The following KIAA1549L variants were observed in gnomAD, a reference collection of about 807,000 sequenced individuals.
KIAA1549L encodes KIAA1549 like.
In KIAA1549L, 88 loss-of-function variants were observed where a neutral mutation model predicts 160.7. The ratio of observed to expected loss-of-function variants is 0.55; its 90% CI spans 0.46 to 0.65. The LOEUF (loss-of-function observed/expected upper bound fraction) is 0.65. Among genes scored for constraint, KIAA1549L ranks in the 30% least tolerant of loss-of-function variants. The probability of loss-of-function intolerance (pLI) is 0.00; values close to 1 mark genes in which losing one functional copy is unlikely to be tolerated. For missense variants in KIAA1549L, 2,258 were observed against 2,437.5 expected (o/e 0.93, Z 1.55); for synonymous variants, 950 against 976.7 (o/e 0.97, Z 0.51).
intron 1 of KIAA1549L, among the ~76,000 whole-genome samples, chr11:33,448,454 G>A (rs908740224): frequency 1.3e-5 from 2 of 152,138 alleles, no homozygotes. Flanking sequence ...GACATGAGAT[G>A]TGGTTTTTGG....
intron 1 of KIAA1549L, among the ~76,000 whole-genome samples, chr11:33,467,729 T>C (rs918618360): frequency 2.1e-4 from 32 of 152,198 alleles, no homozygotes; most frequent in African/African-American, 7.5e-4. Flanking sequence ...ATCTGTGAGC[T>C]GATAGAGGAT....
At chr11:33,461,363 C>T (rs1851938888) in intron 1 of KIAA1549L, among the ~76,000 whole-genome samples, 2 of 152,176 alleles carry the variant, frequency 1.3e-5, no homozygotes, top group African/African-American at 2.4e-5. Context: ...ATTTTATAAA[C>T]CGGGGACACA....
chr11:33,417,542 A>G (rs1412539769), intron 1 of KIAA1549L, among the ~76,000 whole-genome samples: 1 of 152,146 alleles, frequency 6.6e-6, no homozygotes, highest in African/African-American at 2.4e-5. Context: ...CATGTCTTTT[A>G]TTCCATCCAC....
chr11:33,451,872 T>G (rs1038876488), intron 1 of KIAA1549L, among the ~76,000 whole-genome samples: 2 of 152,212 alleles, frequency 1.3e-5, no homozygotes, highest in Non-Finnish European at 2.9e-5. Context: ...CCTCTAGAGT[T>G]CAAGACCAAT....
Position 33,668,000 on chromosome 11 carries a change from C to T in KIAA1549L, c.6287C>T (p.Pro2096Leu), listed in dbSNP as rs573342788. ...CCCAGCCTGGAGCAGGCCCCGGCGC[C>T]CTCCACAGCGGCCTCGCAGCAGAGC... ...LHPSLEQAPA[P>L]STAASQQSLA... Residue 2096 changes from proline (P) to leucine (L), a missense_variant, in exon 21 of 21, where the codon CCC becomes CTC. Transcript: ENST00000658780. The T allele has an allele frequency of 1.2e-5, 19 of 1,613,966 alleles. No individual in the cohort carries two copies. In the East Asian group the frequency reaches 3.8e-4, roughly 32 times the overall value.
chr11:33,516,372 C>T lies in KIAA1549L; in HGVS notation c.239-25430C>T, dbSNP rs1261124017. On this transcript the variant is annotated intron_variant, in intron 1 of 20. Transcript: ENST00000658780. Reference sequence around the variant, plus strand: ...TTCACCGTGTTAGCCAGGATGGTCTCGATCTCCTGACCTCGTGATCCGCCC... The same window carrying T: ...TTCACCGTGTTAGCCAGGATGGTCTTGATCTCCTGACCTCGTGATCCGCCC... Among the ~76,000 whole-genome samples the T allele has an allele frequency of 1.2e-4, 2 of 16,914 alleles. 1 individual carries two copies. Among genetic ancestry groups the T allele is most frequent in the Non-Finnish European group, 2.0e-4 (2 of 10,156 alleles). 11.1% of individuals were successfully genotyped at this position (16,914 alleles called of 152,430 possible).
chr11:33,415,595 C>T (rs1251004249), intron 1 of KIAA1549L, among the ~76,000 whole-genome samples: 2 of 152,110 alleles, frequency 1.3e-5, no homozygotes, highest in Admixed American at 6.5e-5. Flanking sequence ...TTAGGATACC[C>T]GAGTGGAACA....
intron 16 of KIAA1549L, among the ~76,000 whole-genome samples, chr11:33,622,576 C>T (rs968551975): frequency 6.6e-6 from 1 of 152,168 alleles, no homozygotes; most frequent in South Asian, 2.1e-4. Context: ...TTCCTCTGTC[C>T]GGAGTGCACA....
intron 1 of KIAA1549L, among the ~76,000 whole-genome samples, chr11:33,421,356 A>G (rs1173028754): frequency 2.0e-5 from 3 of 152,208 alleles, no homozygotes; most frequent in Non-Finnish European, 4.4e-5. Context: ...ATGGTGTCCC[A>G]TGACAGGAGC....
chr11:33,555,660 C>A (rs1413564349), intron 6 of KIAA1549L, among the ~76,000 whole-genome samples: 1 of 152,166 alleles, frequency 6.6e-6, no homozygotes, highest in South Asian at 2.1e-4. Context: ...CCAAAAGTAA[C>A]TCCAAAGGGA....
At chr11:33,421,900 G>A (rs1002683534) in intron 1 of KIAA1549L, among the ~76,000 whole-genome samples, 2 of 152,118 alleles carry the variant, frequency 1.3e-5, no homozygotes, top group East Asian at 1.9e-4. Flanking sequence ...GCTACCAAGA[G>A]TTGATTGAGT....
At chr11:33,505,700 G>A (rs978930940) in intron 1 of KIAA1549L, among the ~76,000 whole-genome samples, 4 of 152,086 alleles carry the variant, frequency 2.6e-5, no homozygotes, top group African/African-American at 9.7e-5. Flanking sequence ...TCTCTGGGAG[G>A]TTAATGTAGC....
chr11:33,483,157 G>A (rs1218756610), intron 1 of KIAA1549L, among the ~76,000 whole-genome samples: 1 of 151,904 alleles, frequency 6.6e-6, no homozygotes, highest in African/African-American at 2.4e-5. Flanking sequence ...TCAGCTTTGG[G>A]AGTTAAAGCC....
At chr11:33,501,425 A>C (rs1368575924) in intron 1 of KIAA1549L, among the ~76,000 whole-genome samples, 6 of 152,220 alleles carry the variant, frequency 3.9e-5, no homozygotes. Context: ...TTGGATAATG[A>C]AGGATAGTTA....
In KIAA1549L at chr11:33,542,579, C is replaced by CAT. The variant is rs745483020; in HGVS notation, c.1017_1018dup (p.Ser340TyrfsTer7). On this transcript the variant is annotated frameshift_variant, in exon 2 of 21. Coordinates refer to ENST00000658780, the MANE Select transcript of KIAA1549L (RefSeq NM_012194.3). LOFTEE classifies it high-confidence loss of function. ...ACAGAGGGTCCCCATTCAGCAGGTT[C>CAT]ATCCACACCTGGGTTTTTGAGCCCC... is the stretch of plus-strand genomic sequence containing the variant. 1 of 1,613,848 alleles carries CAT rather than the reference C, an allele frequency of 6.2e-7. No homozygotes were observed. The highest frequency in any genetic ancestry group is 8.5e-7 in the Non-Finnish European group (1 of 1,179,868).
At chr11:33,641,586 A>G (rs1851583160) in intron 16 of KIAA1549L, among the ~76,000 whole-genome samples, 4 of 3,344 alleles carry the variant, frequency 1.2e-3, no homozygotes, top group African/African-American at 8.5e-3. Context: ...ATATATATAT[A>G]TATATATATA....
chr11:33,546,525 T>C (rs1854270471), intron 3 of KIAA1549L, among the ~76,000 whole-genome samples: 1 of 152,130 alleles, frequency 6.6e-6, no homozygotes, highest in Non-Finnish European at 1.5e-5. Flanking sequence ...CACTGCCACT[T>C]CCCTAGTTCA....
rs34208718 is a variant in KIAA1549L at position 33,408,489 on chromosome 11, G to GTGTGTATATATATA, written c.238+31601_238+31602insGTGTATATATATAT. On this transcript the variant is annotated intron_variant, in intron 1 of 20. Transcript: ENST00000658780. ...ATATATATACATACTCTGTATATGT[G>GTGTGTATATATATA]TATATATATATATATATATATACAC... Among the ~76,000 whole-genome samples, 991 of 122,994 alleles carry GTGTGTATATATATA rather than the reference G, an allele frequency of 8.1e-3. 15 individuals are homozygous for GTGTGTATATATATA. The highest frequency in any genetic ancestry group is 0.03 in the African/African-American group (928 of 30,948). 80.7% of individuals were successfully genotyped at this position (122,994 alleles called of 152,430 possible). A position where few individuals can be genotyped will look rare whatever the true frequency, so the allele number is the denominator to read the frequency against.
intron 1 of KIAA1549L, among the ~76,000 whole-genome samples, chr11:33,413,341 A>G (rs1850820894): frequency 6.6e-6 from 1 of 151,262 alleles, no homozygotes; most frequent in South Asian, 2.1e-4. Flanking sequence ...TAGGAGGCCA[A>G]GGTGTGAGGA....
Sources: gnomAD v4.1 joint callset for allele counts (sites outside exome capture counted in the v4.1 genomes callset) on GRCh38, gnomAD v4.1.1 for gene constraint, MANE v1.5 for transcripts, NCBI Gene and HGNC (gene_info 2026-07-23, HGNC 2026-07-21) for gene names.